The following CNOT1 variants were observed in gnomAD, a reference collection of about 807,000 sequenced individuals.
CNOT1 encodes the protein CCR4-NOT transcription complex subunit 1.
A neutral mutation model predicts 273.8 loss-of-function variants in CNOT1; 15 were observed. The observed-to-expected ratio is 0.05, with a 90% CI of 0.04 to 0.08. CNOT1 has a LOEUF of 0.08. CNOT1 is among the 10% of genes least tolerant of loss of function. The pLI, the probability that CNOT1 is intolerant of heterozygous loss-of-function variation, is 1.00. For synonymous variants in CNOT1, 1,022 were observed against 1,005.5 expected (o/e 1.02, Z -0.31); for missense variants, 1,644 against 2,912.2 (o/e 0.56, Z 10.02).
Position 58,535,573 on chromosome 16 carries a change from C to T in CNOT1, c.5647-1178G>A, listed in dbSNP as rs78226174. 3.0e-4 allele frequency among the ~76,000 whole-genome samples: 45 copies of T among 152,252 alleles called. No homozygotes were observed. In the East Asian group the frequency reaches 8.5e-3, roughly 29 times the overall value. On this transcript the variant is annotated intron_variant, in intron 39 of 48. Coordinates refer to ENST00000317147, the MANE Select transcript of CNOT1 (RefSeq NM_016284.5). ...AATGATCAGAAAGACCAATGGATTCCAATTTCTTCCATTCAAATTATAAAT... is the reference window on the plus strand; with the variant it reads ...AATGATCAGAAAGACCAATGGATTCTAATTTCTTCCATTCAAATTATAAAT...
intron 22 of CNOT1, 35 bp downstream of exon 22, chr16:58,553,747 T>G (rs1441172817): frequency 6.3e-7 from 1 of 1,597,964 alleles, no homozygotes; most frequent in African/African-American, 1.4e-5. Context: ...AAATACTACA[T>G]AGCTATTTGG....
rs111805635 is a variant in CNOT1 at position 58,538,498 on chromosome 16, T to C, written c.5136-232A>G. ...AGACATTAAAATACTTATACACGAATACCACTTCTGAGAAATCACTGTAAC... is the reference window on the plus strand; with the variant it reads ...AGACATTAAAATACTTATACACGAACACCACTTCTGAGAAATCACTGTAAC... On this transcript the variant is annotated intron_variant, in intron 36 of 48. Transcript: ENST00000317147. 6.9e-3 allele frequency among the ~76,000 whole-genome samples: 1,049 copies of C among 152,294 alleles called. 12 individuals carry two copies. Among genetic ancestry groups the C allele is most frequent in the Middle Eastern group, 0.041 (12 of 294 alleles).
intron 1 of CNOT1, among the ~76,000 whole-genome samples, chr16:58,617,387 A>AG (rs2043129136): frequency 6.6e-6 from 1 of 152,084 alleles, no homozygotes; most frequent in African/African-American, 2.4e-5. Context: ...AAAAAAAAAA[A>AG]TAACAAACCA....
At chr16:58,521,444 AAG>A in intron 47 of CNOT1, 127 bp from the exon 48 acceptor site, 1 of 887,032 alleles carries the variant, frequency 1.1e-6, no homozygotes, top group Non-Finnish European at 1.7e-6. Context: ...ACCTTTAGTA[AAG>A]ACAGGTGGAT....
Position 58,616,251 on chromosome 16 carries a change from G to A in CNOT1, c.-175+13477C>T, listed in dbSNP as rs557566711. 2.1e-4 allele frequency among the ~76,000 whole-genome samples: 26 copies of A among 123,540 alleles called. 7 individuals carry two copies. The highest frequency in any genetic ancestry group is 2.1e-3 in the Admixed American group (26 of 12,506). 81.0% of individuals were successfully genotyped at this position (123,540 alleles called of 152,430 possible). On this transcript the variant is annotated intron_variant, in intron 1 of 48. Coordinates refer to ENST00000317147, the MANE Select transcript of CNOT1 (RefSeq NM_016284.5). ...CTCCCAAGTAGCTGGGATTATAGGC[G>A]CCTGCCACCACGCCCGGCTAATTTT...
chr16:58,627,472 A>G (rs894883478), intron 1 of CNOT1, among the ~76,000 whole-genome samples: 3 of 151,962 alleles, frequency 2.0e-5, no homozygotes, highest in Non-Finnish European at 2.9e-5. Flanking sequence ...ACTCAGAAAA[A>G]GTAACATGCA....
chr16:58,529,935 TAAAATGAA>T (rs1181909535), intron 43 of CNOT1, among the ~76,000 whole-genome samples: 1 of 149,170 alleles, frequency 6.7e-6, no homozygotes, highest in African/African-American at 2.5e-5. Flanking sequence ...CCAAAATGGT[TAAAATGAA>T]AAACAGATAA....
chr16:58,522,062 G>A (rs1471586195), intron 47 of CNOT1, among the ~76,000 whole-genome samples: 1 of 151,730 alleles, frequency 6.6e-6, no homozygotes, highest in African/African-American at 2.4e-5. Flanking sequence ...ACTCACGCCT[G>A]TAATCCCAGC....
intron 25 of CNOT1, chr16:58,548,541 G>C (rs1196690076): frequency 1.9e-6 from 1 of 519,184 alleles, no homozygotes; most frequent in Admixed American, 1.9e-5. Flanking sequence ...AATGGCACAA[G>C]TCAGCTGTGC....
intron 2 of CNOT1, among the ~76,000 whole-genome samples, chr16:58,594,372 C>G (rs2042174633): frequency 6.6e-6 from 1 of 152,148 alleles, no homozygotes; most frequent in Non-Finnish European, 1.5e-5. Context: ...AAGGGCTAGA[C>G]AGAGAAGGAA....
intron 2 of CNOT1, 128 bp downstream of exon 2, chr16:58,599,108 G>T: frequency 9.3e-6 from 9 of 964,762 alleles, no homozygotes; most frequent in Non-Finnish European, 1.1e-5. Context: ...GATGATGACA[G>T]AAATCACTTG....
chr16:58,528,312 T>A (rs1227583942), intron 44 of CNOT1, 163 bp downstream of exon 44: 1 of 651,128 alleles, frequency 1.5e-6, no homozygotes, highest in Non-Finnish European at 2.7e-6. Flanking sequence ...AGCAACAATA[T>A]CATACCTTCT....
chr16:58,602,666 G>A (rs754905861), intron 1 of CNOT1, among the ~76,000 whole-genome samples: 12 of 151,456 alleles, frequency 7.9e-5, no homozygotes, highest in Non-Finnish European at 1.5e-4. Context: ...AGGAGGTGGA[G>A]GTTGTAGTGA....
chr16:58,614,243 G>A lies in CNOT1; in HGVS notation c.-174-14732C>T, dbSNP rs1279214986. On this transcript the variant is annotated intron_variant, in intron 1 of 48. Coordinates refer to ENST00000317147, the MANE Select transcript of CNOT1 (RefSeq NM_016284.5). ...AGAAGAGAGGTAACATAGATGGCCC[G>A]AGCCTGCTGTCCTTAGAAAGGCTTG... 1.6e-5 allele frequency among the ~76,000 whole-genome samples: 2 copies of A among 124,568 alleles called. 1 individual carries two copies. Among genetic ancestry groups the A allele is most frequent in the Non-Finnish European group, 3.8e-5 (2 of 52,446 alleles). 81.7% of individuals were successfully genotyped at this position (124,568 alleles called of 152,430 possible).
At chr16:58,616,687 A>G (rs1370353276) in intron 1 of CNOT1, among the ~76,000 whole-genome samples, 4 of 152,150 alleles carry the variant, frequency 2.6e-5, no homozygotes, top group East Asian at 1.9e-4. Context: ...CTTTCGTGAG[A>G]ATGACATGAT....
intron 29 of CNOT1, 115 bp downstream of exon 29, chr16:58,546,206 A>T: frequency 1.3e-5 from 12 of 912,462 alleles, no homozygotes; most frequent in Non-Finnish European, 2.0e-5. Flanking sequence ...AACGTATACA[A>T]AGTTTCACCA....
chr16:58,545,216 A>C, intron 30 of CNOT1, 145 bp downstream of exon 30: 1 of 1,316,718 alleles, frequency 7.6e-7, no homozygotes, highest in Non-Finnish European at 1.0e-6. Context: ...TGAACTACAC[A>C]GCAGTTCTAG....
intron 1 of CNOT1, among the ~76,000 whole-genome samples, chr16:58,601,111 T>C (rs2042445337): frequency 6.6e-6 from 1 of 152,222 alleles, no homozygotes; most frequent in Non-Finnish European, 1.5e-5. Flanking sequence ...ACAGCCACCA[T>C]GCCCAGCTAA....
At chr16:58,587,902 C>T (rs776884470) in intron 3 of CNOT1, 24 bp from the exon 4 acceptor site, 12 of 1,596,882 alleles carry the variant, frequency 7.5e-6, no homozygotes, top group Non-Finnish European at 1.0e-5. Context: ...AAATGATTTT[C>T]ATTAGCACTA....
Sources: allele counts gnomAD v4.1 joint callset (sites outside exome capture counted in the v4.1 genomes callset), GRCh38; gene constraint gnomAD v4.1.1; transcripts MANE v1.5; gene names NCBI Gene and HGNC (gene_info 2026-07-23, HGNC 2026-07-21).